The following NEK7 variants were observed in gnomAD, a reference collection of about 807,000 sequenced individuals.
NEK7 encodes serine/threonine-protein kinase Nek7.
Under a neutral mutation model 44.6 loss-of-function variants are expected in NEK7, and 18 were observed. The ratio of observed to expected loss-of-function variants is 0.40; its 90% CI spans 0.28 to 0.60. NEK7 has a LOEUF of 0.60. NEK7 is among the 20% of genes least tolerant of loss of function. The pLI, the probability that NEK7 is intolerant of heterozygous loss-of-function variation, is 0.38. For synonymous variants in NEK7, 130 were observed against 121.1 expected, an observed-to-expected ratio of 1.07 and a Z score of -0.48; for missense variants, 256 against 366.5, an observed-to-expected ratio of 0.70 and a Z score of 2.46.
intron 2 of NEK7, among the ~76,000 whole-genome samples, chr1:198,240,277 G>T (rs1666647015): frequency 6.6e-6 from 1 of 152,128 alleles, no homozygotes; most frequent in Non-Finnish European, 1.5e-5. Flanking sequence ...ACGAGTGAGA[G>T]TACCTCATAT....
At chr1:198,211,747 G>A (rs547673876) in intron 1 of NEK7, among the ~76,000 whole-genome samples, 5 of 152,228 alleles carry the variant, frequency 3.3e-5, no homozygotes, top group Admixed American at 2.6e-4. Flanking sequence ...TGGAGGCATC[G>A]TTAGCATGCC....
In NEK7 at chr1:198,226,524, G is replaced by A. The variant is rs981211219; in HGVS notation, c.-28-6029G>A. ...CACACCGCTGCATTCCAGCCTGGGC[G>A]ACACAGCGATATTGCGTCTCAAAAA... On this transcript the variant is annotated intron_variant, in intron 1 of 9. Coordinates refer to ENST00000367385, the MANE Select transcript of NEK7 (RefSeq NM_133494.3). Among the ~76,000 whole-genome samples, 136 of 150,262 alleles carry A rather than the reference G, an allele frequency of 9.1e-4. 1 individual carries two copies. The highest frequency in any genetic ancestry group is 3.2e-3 in the African/African-American group (131 of 40,828).
At chr1:198,218,323 G>A (rs893898538) in intron 1 of NEK7, among the ~76,000 whole-genome samples, 1 of 151,950 alleles carries the variant, frequency 6.6e-6, no homozygotes, top group Non-Finnish European at 1.5e-5. Flanking sequence ...TTGGGAAATA[G>A]ACACCCTATT....
intron 1 of NEK7, among the ~76,000 whole-genome samples, chr1:198,172,067 A>G (rs1664465218): frequency 6.6e-6 from 1 of 152,228 alleles, no homozygotes; most frequent in Non-Finnish European, 1.5e-5. Flanking sequence ...TATTCCCAGC[A>G]GCTCTGTGGT....
intron 1 of NEK7, among the ~76,000 whole-genome samples, chr1:198,213,038 G>T (rs548898531): frequency 6.6e-6 from 1 of 152,074 alleles, no homozygotes; most frequent in African/African-American, 2.4e-5. Context: ...ACATCTTCCC[G>T]CCCACCCCCA....
At chr1:198,203,067 A>G (rs181330165) in intron 1 of NEK7, among the ~76,000 whole-genome samples, 1 of 150,890 alleles carries the variant, frequency 6.6e-6, no homozygotes, top group African/African-American at 2.5e-5. Flanking sequence ...ATGAGTTCTC[A>G]CATGGCATTT....
chr1:198,160,666 CTT>C (rs886110991), intron 1 of NEK7, among the ~76,000 whole-genome samples: 4 of 152,056 alleles, frequency 2.6e-5, no homozygotes, highest in African/African-American at 9.7e-5. Context: ...CCTTTTGAGA[CTT>C]TTTCAATTTA....
intron 7 of NEK7, among the ~76,000 whole-genome samples, chr1:198,283,801 T>C (rs1427834451): frequency 6.6e-6 from 1 of 152,146 alleles, no homozygotes; most frequent in Non-Finnish European, 1.5e-5. Context: ...CATTCTGATA[T>C]TGTCTGTTCT....
chr1:198,164,876 T>C (rs1190029475), intron 1 of NEK7, among the ~76,000 whole-genome samples: 1 of 152,228 alleles, frequency 6.6e-6, no homozygotes, highest in East Asian at 1.9e-4. Flanking sequence ...TTACCCAAAG[T>C]AGAAAATCTT....
intron 5 of NEK7, among the ~76,000 whole-genome samples, chr1:198,274,982 G>A (rs952299123): frequency 6.6e-6 from 1 of 151,720 alleles, no homozygotes; most frequent in African/African-American, 2.4e-5. Flanking sequence ...TTTCACCTAA[G>A]TGAAATGATG....
chr1:198,240,191 A>G (rs552784392), intron 2 of NEK7, among the ~76,000 whole-genome samples: 7 of 152,234 alleles, frequency 4.6e-5, no homozygotes, highest in Non-Finnish European at 8.8e-5. Context: ...AAACTGTCAA[A>G]TTGGGGAATG....
At chr1:198,202,203 A>C (rs1254323881) in intron 1 of NEK7, among the ~76,000 whole-genome samples, 1 of 152,168 alleles carries the variant, frequency 6.6e-6, no homozygotes. Flanking sequence ...AAATGTTCAC[A>C]GGCATCAATC....
intron 1 of NEK7, among the ~76,000 whole-genome samples, chr1:198,179,390 T>G (rs1426190971): frequency 6.6e-6 from 1 of 152,072 alleles, no homozygotes; most frequent in Non-Finnish European, 1.5e-5. Flanking sequence ...GCCTTTATGT[T>G]TGCTTTATTT....
intron 1 of NEK7, among the ~76,000 whole-genome samples, chr1:198,211,936 C>G (rs1387307536): frequency 6.6e-6 from 1 of 152,224 alleles, no homozygotes; most frequent in African/African-American, 2.4e-5. Flanking sequence ...ACACACACTC[C>G]CGCAGGGGAG....
intron 1 of NEK7, among the ~76,000 whole-genome samples, chr1:198,204,938 C>T (rs547412186): frequency 2.0e-5 from 3 of 152,174 alleles, no homozygotes; most frequent in Admixed American, 2.0e-4. Flanking sequence ...TCCCAATTTT[C>T]CTTCTTCTTT....
intron 1 of NEK7, among the ~76,000 whole-genome samples, chr1:198,181,365 G>A (rs1235353024): frequency 6.6e-6 from 1 of 152,000 alleles, no homozygotes; most frequent in Non-Finnish European, 1.5e-5. Flanking sequence ...TGCTCTGGGA[G>A]GTAACTAATG....
intron 1 of NEK7, among the ~76,000 whole-genome samples, chr1:198,182,938 C>T (rs1664810761): frequency 6.6e-6 from 1 of 152,100 alleles, no homozygotes. Context: ...TATAGGCCTT[C>T]TACAGGAAGG....
intron 9 of NEK7, among the ~76,000 whole-genome samples, chr1:198,314,992 C>G (rs1326041440): frequency 6.6e-6 from 1 of 152,232 alleles, no homozygotes; most frequent in Non-Finnish European, 1.5e-5. Flanking sequence ...CTTTGTTTAC[C>G]TAAGCACGCC....
chr1:198,293,289 T>G (rs553187515), intron 8 of NEK7, among the ~76,000 whole-genome samples: 10 of 151,962 alleles, frequency 6.6e-5, no homozygotes, highest in Non-Finnish European at 1.2e-4. Context: ...TTTATGTTAA[T>G]ATAACGCCTT....
Sources: allele counts gnomAD v4.1 joint callset (sites outside exome capture counted in the v4.1 genomes callset), GRCh38; gene constraint gnomAD v4.1.1; transcripts MANE v1.5; gene names NCBI Gene and HGNC (gene_info 2026-07-23, HGNC 2026-07-21).